FANCB: variants seen among roughly 807,000 people sequenced by gnomAD.
FANCB encodes the protein FA complementation group B.
Under a neutral mutation model 38.9 loss-of-function variants are expected in FANCB, and 5 were observed. The observed-to-expected ratio is 0.13, with a 90% CI of 0.07 to 0.27. The LOEUF (loss-of-function observed/expected upper bound fraction) is 0.27. FANCB is among the 10% of genes least tolerant of loss of function. The pLI is 1.00. For missense variants in FANCB, 573 were observed against 602.7 expected (o/e 0.95, Z 0.52); for synonymous variants, 236 against 215.4 (o/e 1.10, Z -0.84).
chrX:14,813,694 G>C, the FANCB span, among the ~76,000 whole-genome samples: 1 of 111,520 alleles, frequency 9.0e-6, no homozygotes, highest in Admixed American at 9.5e-5. Context: ...AAAAATGGAA[G>C]AACATTCCAT....
Position 14,837,204 on chromosome X carries a change from G to C in FANCB, c.*1567-949C>G, listed in dbSNP as rs759868875. Among the ~76,000 whole-genome samples, 3 of 112,257 alleles carry C rather than the reference G, an allele frequency of 2.7e-5. No homozygotes were observed. In the South Asian group the frequency reaches 1.1e-3, roughly 41 times the overall value. On this transcript the variant is annotated intron_variant and NMD_transcript_variant, in intron 10 of 10. Transcript: ENST00000643728. ...CCTCCTTTTCTTCTCAAGTGCTGTA[G>C]TACTCATAGCGAATAAAGATGTAAG...
chrX:14,733,559 T>A, the FANCB span, among the ~76,000 whole-genome samples: 1 of 112,016 alleles, frequency 8.9e-6, no homozygotes, highest in Non-Finnish European at 1.9e-5. Flanking sequence ...TGGTTTATAG[T>A]TCTCCTTGAA....
At chrX:14,731,097 G>C in the FANCB span, 1 of 112,056 alleles carries the variant, frequency 8.9e-6, no homozygotes, top group Non-Finnish European at 1.9e-5. Context: ...TGTTTCACTT[G>C]AGAAAGCCTT....
the FANCB span, among the ~76,000 whole-genome samples, chrX:14,797,679 T>TA: frequency 4.4e-3 from 364 of 82,876 alleles, 2 homozygotes; most frequent in African/African-American, 0.014. Flanking sequence ...GAGATTCCAT[T>TA]AAAAAAAAAA....
chrX:14,782,234 TC>T, the FANCB span, among the ~76,000 whole-genome samples: 2 of 111,439 alleles, frequency 1.8e-5, no homozygotes, highest in Non-Finnish European at 3.8e-5. Context: ...AGGGGGACAT[TC>T]AAAGATGGGG....
the FANCB span, among the ~76,000 whole-genome samples, chrX:14,821,453 A>C: frequency 8.9e-6 from 1 of 112,063 alleles, no homozygotes; most frequent in East Asian, 2.8e-4. Context: ...TCATGTTTTA[A>C]TTATATTTTA....
the FANCB span, among the ~76,000 whole-genome samples, chrX:14,736,294 ACTC>A: frequency 1.8e-5 from 2 of 109,495 alleles, no homozygotes; most frequent in Admixed American, 1.9e-4. Flanking sequence ...AAAAAAAAAA[ACTC>A]CTACAGCTAG....
rs1057515811 is a variant in FANCB at position 14,865,161 on chromosome X, T to G, written c.350A>C (p.Lys117Thr). 8.4e-6 allele frequency: 10 copies of G among 1,184,733 alleles called. No homozygotes were observed. In the East Asian group the frequency reaches 2.7e-4, roughly 32 times the overall value. Residue 117 changes from lysine (K) to threonine (T), a missense_variant, in exon 3 of 10, where the codon AAA (lysine) becomes ACA (threonine). By Grantham distance (78) the Lys-to-Thr change is moderately conservative. Coordinates refer to ENST00000650831, the MANE Select transcript of FANCB (RefSeq NM_001018113.3). ...YFLLILHSTNKFEMRLSFKLG... is the reference protein window; with the variant it reads ...YFLLILHSTNTFEMRLSFKLG... The stretch of plus-strand genomic sequence containing the variant: ...TTTAAAACTCAAACGCATTTCAAAT[T>G]TATTAGTACTGTGAAGGATTAGTAA...
At chrX:14,804,252 A>G in the FANCB span, among the ~76,000 whole-genome samples, 1 of 112,293 alleles carries the variant, frequency 8.9e-6, no homozygotes, top group Non-Finnish European at 1.9e-5. Context: ...CAACAATGAT[A>G]GACTGGATTA....
At chrX:14,725,315 C>T in the FANCB span, among the ~76,000 whole-genome samples, 20,676 of 111,250 alleles carry the variant, frequency 0.19, 1,770 homozygotes, top group Middle Eastern at 0.27. Context: ...ATATCCAGGT[C>T]TGTGATTAAG....
chrX:14,769,944 C>A, the FANCB span, among the ~76,000 whole-genome samples: 1 of 112,026 alleles, frequency 8.9e-6, no homozygotes, highest in Non-Finnish European at 1.9e-5. Flanking sequence ...TTGTTCAATT[C>A]CCATGTAGAT....
At chrX:14,851,526 G>C (rs1804955584) in intron 6 of FANCB, among the ~76,000 whole-genome samples, 1 of 111,439 alleles carries the variant, frequency 9.0e-6, no homozygotes, top group South Asian at 3.7e-4. Context: ...CTCAATAGGA[G>C]ACTAAATATG....
the FANCB span, among the ~76,000 whole-genome samples, chrX:14,722,659 T>C: frequency 8.9e-6 from 1 of 111,755 alleles, no homozygotes; most frequent in Admixed American, 9.5e-5. Flanking sequence ...GTGACTTCTA[T>C]ATGACATATG....
At chrX:14,766,225 A>C in the FANCB span, among the ~76,000 whole-genome samples, 4 of 112,483 alleles carry the variant, frequency 3.6e-5, no homozygotes, top group African/African-American at 9.7e-5. Context: ...AATTTCTACT[A>C]TGAAAATATT....
the FANCB span, among the ~76,000 whole-genome samples, chrX:14,707,963 G>A: frequency 9.9e-5 from 11 of 110,847 alleles, no homozygotes; most frequent in African/African-American, 3.6e-4. Context: ...ATTGTTACCA[G>A]TTTCTTTTTT....
intron 1 of FANCB, chrX:14,869,295 A>G (rs1602011699): frequency 8.9e-6 from 1 of 112,208 alleles, no homozygotes; most frequent in East Asian, 2.8e-4. Flanking sequence ...TAAATATCAC[A>G]ACTAATGTTT....
the FANCB span, among the ~76,000 whole-genome samples, chrX:14,825,752 A>G: frequency 8.9e-6 from 1 of 112,267 alleles, no homozygotes; most frequent in East Asian, 2.8e-4. Flanking sequence ...TAGAAGAACC[A>G]TAGATGTTCC....
chrX:14,734,043 C>T, the FANCB span, among the ~76,000 whole-genome samples: 2 of 111,726 alleles, frequency 1.8e-5, no homozygotes, highest in Non-Finnish European at 3.8e-5. Context: ...TACCAGAAGG[C>T]AATAATTTGC....
At chrX:14,838,174 T>C (rs907934813) in intron 10 of FANCB, among the ~76,000 whole-genome samples, 1 of 112,518 alleles carries the variant, frequency 8.9e-6, no homozygotes, top group Admixed American at 9.4e-5. Context: ...CAGATCAGTG[T>C]CTGGCACACA....
Sources: gnomAD v4.1 joint callset for allele counts (sites outside exome capture counted in the v4.1 genomes callset) on GRCh38, gnomAD v4.1.1 for gene constraint, MANE v1.5 for transcripts, NCBI Gene and HGNC (gene_info 2026-07-23, HGNC 2026-07-21) for gene names.